The following KLF8 variants were observed in gnomAD, a reference collection of about 807,000 sequenced individuals.
The protein encoded by KLF8 is KLF transcription factor 8.
In KLF8, 10 loss-of-function variants were observed where a neutral mutation model predicts 18.2. The observed-to-expected ratio is 0.55, with a 90% CI of 0.34 to 0.93. The LOEUF (loss-of-function observed/expected upper bound fraction) is 0.93. Ranked by LOEUF, KLF8 falls within the 40% of genes least tolerant of loss-of-function variation. The pLI, the probability that KLF8 is intolerant of heterozygous loss-of-function variation, is 0.02. For synonymous variants in KLF8, 109 were observed against 97.3 expected (o/e 1.12, Z -0.71); for missense variants, 264 against 277.9 (o/e 0.95, Z 0.36).
chrX:55,969,759 A>G, the KLF8 span, among the ~76,000 whole-genome samples: 1 of 111,966 alleles, frequency 8.9e-6, no homozygotes, highest in Non-Finnish European at 1.9e-5. Flanking sequence ...AGCAGACATT[A>G]CAATTCATTT....
chrX:56,027,046 G>T, the KLF8 span, among the ~76,000 whole-genome samples: 2 of 112,852 alleles, frequency 1.8e-5, no homozygotes, highest in African/African-American at 6.4e-5. Flanking sequence ...AGCTTTTCAA[G>T]TGACTCTTGA....
the KLF8 span, among the ~76,000 whole-genome samples, chrX:56,048,572 A>T: frequency 9.0e-6 from 1 of 111,688 alleles, no homozygotes; most frequent in African/African-American, 3.3e-5. Flanking sequence ...AACATCAGAT[A>T]GTTGTAGATG....
the KLF8 span, among the ~76,000 whole-genome samples, chrX:56,159,098 C>A: frequency 3.6e-5 from 4 of 111,695 alleles, no homozygotes; most frequent in Non-Finnish European, 5.7e-5. Flanking sequence ...TAGCATGAAG[C>A]GTTGTTGAAT....
At chrX:56,142,023 G>C in the KLF8 span, among the ~76,000 whole-genome samples, 1 of 111,999 alleles carries the variant, frequency 8.9e-6, no homozygotes, top group East Asian at 2.8e-4. Flanking sequence ...CTTGTATCTA[G>C]AGTATCCCAT....
chrX:55,958,187 G>T, the KLF8 span, among the ~76,000 whole-genome samples: 1 of 112,200 alleles, frequency 8.9e-6, no homozygotes, highest in East Asian at 2.8e-4. Context: ...TTGTTCTCAT[G>T]AACAGACATG....
At chrX:56,157,065 TGA>T in the KLF8 span, among the ~76,000 whole-genome samples, 11,319 of 107,432 alleles carry the variant, frequency 0.11, 1,058 homozygotes, top group African/African-American at 0.3. Flanking sequence ...TAAAAAAGGA[TGA>T]GTTCATGTCC....
chrX:56,249,245 G>A (rs1569179537), intron 1 of KLF8, among the ~76,000 whole-genome samples: 1 of 112,600 alleles, frequency 8.9e-6, no homozygotes, highest in East Asian at 2.8e-4. Context: ...GGGCTGCCAT[G>A]TAGTCAGATA....
the KLF8 span, among the ~76,000 whole-genome samples, chrX:55,951,487 A>C: frequency 1.8e-5 from 2 of 109,407 alleles, no homozygotes; most frequent in African/African-American, 6.6e-5. Context: ...TCAAAAAAAA[A>C]AAAAAAGAAA....
chrX:56,205,548 T>C, the KLF8 span, among the ~76,000 whole-genome samples: 1 of 112,331 alleles, frequency 8.9e-6, no homozygotes, highest in South Asian at 3.7e-4. Context: ...AATGTATTGT[T>C]GAATTTGGTT....
the KLF8 span, among the ~76,000 whole-genome samples, chrX:56,145,804 T>G: frequency 9.0e-6 from 1 of 111,435 alleles, no homozygotes; most frequent in Admixed American, 9.5e-5. Context: ...GGAGAAAGTT[T>G]TTTCAATCTA....
At chrX:56,178,708 C>A in the KLF8 span, among the ~76,000 whole-genome samples, 7 of 112,125 alleles carry the variant, frequency 6.2e-5, no homozygotes, top group African/African-American at 2.3e-4. Context: ...ATATGGCTAG[C>A]CAGTTTTCCC....
At chrX:56,074,793 T>G in the KLF8 span, 1 of 117,426 alleles carries the variant, frequency 8.5e-6, no homozygotes, top group Non-Finnish European at 1.8e-5. Flanking sequence ...CATATGAACT[T>G]GAGGGTTAGC....
At chrX:56,170,832 G>T in the KLF8 span, among the ~76,000 whole-genome samples, 8 of 111,145 alleles carry the variant, frequency 7.2e-5, no homozygotes, top group African/African-American at 2.6e-4. Flanking sequence ...GTACAAATAG[G>T]CTATAGAACA....
chrX:56,073,138 C>T, the KLF8 span, among the ~76,000 whole-genome samples: 1 of 110,287 alleles, frequency 9.1e-6, no homozygotes, highest in African/African-American at 3.3e-5. Flanking sequence ...AGGCGCCCGC[C>T]ACCACGCCCA....
the KLF8 span, chrX:55,908,295 G>A: frequency 3.6e-6 from 1 of 274,783 alleles, no homozygotes; most frequent in Admixed American, 6.4e-5. Flanking sequence ...AAAGGTCCGG[G>A]GTATTGTTGA....
the KLF8 span, among the ~76,000 whole-genome samples, chrX:56,182,598 G>GT: frequency 8.9e-6 from 1 of 112,226 alleles, no homozygotes; most frequent in Admixed American, 9.4e-5. Flanking sequence ...CATCTTTGTG[G>GT]TTTTATCTAC....
In KLF8 at chrX:56,246,086, G is replaced by C. The variant is rs1029241630; in HGVS notation, c.8-4145G>C. Among the ~76,000 whole-genome samples, 309 of 111,688 alleles carry C rather than the reference G, an allele frequency of 2.8e-3. 2 individuals carry two copies. The highest frequency in any genetic ancestry group is 9.6e-3 in the African/African-American group (294 of 30,744). On this transcript the variant is annotated intron_variant, in intron 1 of 5. Transcript: ENST00000468660. ...TTCCATTTGGCTGTTTTCTGGGTGA[G>C]GGCACTAGCCAGAAATGGCTGAGAC...
intron 5 of KLF8, among the ~76,000 whole-genome samples, chrX:56,279,216 C>CT (rs1206028177): frequency 9.0e-6 from 1 of 110,988 alleles, no homozygotes; most frequent in Non-Finnish European, 1.9e-5. Flanking sequence ...TATGAAGGTC[C>CT]TTTTTTGTGT....
chrX:56,213,435 C>T, the KLF8 span, among the ~76,000 whole-genome samples: 1 of 102,215 alleles, frequency 9.8e-6, no homozygotes, highest in Non-Finnish European at 2.0e-5. Context: ...AATTCTCCTG[C>T]CTCAGGCTCC....
Sources: allele counts gnomAD v4.1 joint callset (sites outside exome capture counted in the v4.1 genomes callset), GRCh38; gene constraint gnomAD v4.1.1; transcripts MANE v1.5; gene names NCBI Gene and HGNC (gene_info 2026-07-23, HGNC 2026-07-21).